Variants in TMIGD3 observed in about 807,000 individuals in gnomAD.
The protein encoded by TMIGD3 is transmembrane and immunoglobulin domain containing 3.
TMIGD3 carries 21 observed loss-of-function variants against 28.1 expected under a neutral mutation model. That is an observed-to-expected ratio of 0.75 (90% confidence interval 0.53 to 1.08). TMIGD3 has a LOEUF of 1.08. Ranked by LOEUF, TMIGD3 falls within the 50% of genes least tolerant of loss-of-function variation. The pLI is 0.00. For missense variants in TMIGD3, 416 were observed against 435.6 expected, an observed-to-expected ratio of 0.96 and a Z score of 0.40; for synonymous variants, 151 against 162.1, an observed-to-expected ratio of 0.93 and a Z score of 0.52.
At chr1:111,558,904 A>G (rs914724395) in intron 1 of TMIGD3, among the ~76,000 whole-genome samples, 1 of 152,202 alleles carries the variant, frequency 6.6e-6, no homozygotes, top group Admixed American at 6.5e-5. Flanking sequence ...CCAACTGATT[A>G]TATGTAAAAC....
chr1:111,526,012 C>T (rs1323756751), intron 1 of TMIGD3, among the ~76,000 whole-genome samples: 2 of 151,982 alleles, frequency 1.3e-5, no homozygotes, highest in Non-Finnish European at 2.9e-5. Flanking sequence ...TATCATCTGG[C>T]CATTTTTTTT....
At chr1:111,503,796 A>G (rs894404111), upstream of TMIGD3, 3 of 1,006,480 alleles carry the variant, frequency 3.0e-6, no homozygotes, top group African/African-American at 5.2e-5. Context: ...CAGAACTCTC[A>G]GCAAAAAGAT....
chr1:111,512,974 C>T (rs1022150349), intron 1 of TMIGD3, among the ~76,000 whole-genome samples: 1 of 152,214 alleles, frequency 6.6e-6, no homozygotes, highest in Admixed American at 6.5e-5. Flanking sequence ...TTTCTCCACC[C>T]TTGCCAAGAA....
intron 1 of TMIGD3, among the ~76,000 whole-genome samples, chr1:111,539,604 T>C (rs1268799256): frequency 6.6e-6 from 1 of 152,142 alleles, no homozygotes; most frequent in East Asian, 1.9e-4. Flanking sequence ...CCTATGCTAT[T>C]ATATTTTACC....
At chr1:111,520,102 T>C (rs1300833336) in intron 1 of TMIGD3, among the ~76,000 whole-genome samples, 1 of 152,178 alleles carries the variant, frequency 6.6e-6, no homozygotes, top group Non-Finnish European at 1.5e-5. Flanking sequence ...CCATATGGTC[T>C]TCAATGCACA....
In TMIGD3 at chr1:111,486,716, A is replaced by G. The variant is rs1654393824; in HGVS notation, c.806-64T>C. 8 of 1,335,536 alleles carry G rather than the reference A, an allele frequency of 6.0e-6. No individual in the cohort carries two copies. In the East Asian group the frequency reaches 1.6e-4, roughly 27 times the overall value. The allele number at this position is 1,335,536 out of a possible 1,614,324, so 82.7% of individuals were successfully genotyped here. On this transcript the variant is annotated intron_variant, in intron 3 of 5. Transcript: ENST00000369716. ...TAGCCAGGTCCTACCTCTGCCTCCC[A>G]GCTGCAGCTCTGCCTGTCATTCTAT... is the stretch of plus-strand genomic sequence containing the variant.
At chr1:111,536,999 C>T (rs1656661827) in intron 1 of TMIGD3, among the ~76,000 whole-genome samples, 2 of 152,194 alleles carry the variant, frequency 1.3e-5, no homozygotes, top group Non-Finnish European at 2.9e-5. Flanking sequence ...CTTCCTAGTA[C>T]TTAGCAATTC....
At chr1:111,522,297 A>G (rs988064652) in intron 1 of TMIGD3, among the ~76,000 whole-genome samples, 9 of 152,224 alleles carry the variant, frequency 5.9e-5, no homozygotes, top group Admixed American at 5.2e-4. Context: ...TTTCTTCAAA[A>G]AAGTCTTCTA....
intron 1 of TMIGD3, among the ~76,000 whole-genome samples, chr1:111,529,089 TTTTA>T (rs1232937839): frequency 1.3e-5 from 2 of 151,682 alleles, no homozygotes; most frequent in Non-Finnish European, 2.9e-5. Flanking sequence ...TTTGTAATTA[TTTTA>T]TTTATTTTTT....
intron 1 of TMIGD3, chr1:111,500,173 G>C (rs1655093407): frequency 1.9e-6 from 3 of 1,614,082 alleles, no homozygotes; most frequent in Non-Finnish European, 2.5e-6. Context: ...GATAGATAAA[G>C]GCAGCCATGA....
intron 1 of TMIGD3, among the ~76,000 whole-genome samples, chr1:111,558,143 C>T (rs962227992): frequency 7.2e-5 from 11 of 151,986 alleles, no homozygotes; most frequent in African/African-American, 2.7e-4. Flanking sequence ...AATAAACAGA[C>T]CAAACTCTTT....
upstream of TMIGD3, among the ~76,000 whole-genome samples, chr1:111,507,864 C>T (rs1430174345): frequency 2.0e-5 from 3 of 152,352 alleles, no homozygotes; most frequent in East Asian, 3.9e-4. Flanking sequence ...CTGAAGGTGG[C>T]GCTTCCTAGG....
chr1:111,504,767 G>T, upstream of TMIGD3: 12 of 703,484 alleles, frequency 1.7e-5, no homozygotes, highest in Non-Finnish European at 1.9e-5. Flanking sequence ...GCTCATCAGG[G>T]TCCTCTTGTT....
upstream of TMIGD3, among the ~76,000 whole-genome samples, chr1:111,508,010 A>G (rs1557828462): frequency 1.3e-5 from 2 of 152,242 alleles, no homozygotes; most frequent in Non-Finnish European, 1.5e-5. Context: ...ACTGAGGCCA[A>G]TCCAAGGAGC....
chr1:111,544,417 T>C (rs1656962239), intron 1 of TMIGD3, among the ~76,000 whole-genome samples: 1 of 152,230 alleles, frequency 6.6e-6, no homozygotes, highest in Admixed American at 6.5e-5. Flanking sequence ...TCTATGGATT[T>C]GACTATTTTG....
chr1:111,529,417 G>A (rs1294684123), intron 1 of TMIGD3, among the ~76,000 whole-genome samples: 1 of 150,740 alleles, frequency 6.6e-6, no homozygotes, highest in Non-Finnish European at 1.5e-5. Context: ...TTCTCGCAGA[G>A]GGGGATTTGG....
intron 1 of TMIGD3, among the ~76,000 whole-genome samples, chr1:111,510,871 G>T (rs895159653): frequency 6.6e-6 from 1 of 152,084 alleles, no homozygotes; most frequent in African/African-American, 2.4e-5. Flanking sequence ...GGTCCAAAAT[G>T]ACATTTTCGA....
intron 1 of TMIGD3, chr1:111,500,432 T>C: frequency 5.0e-6 from 8 of 1,614,226 alleles, no homozygotes; most frequent in Non-Finnish European, 6.8e-6. Context: ...GTGACATTTC[T>C]GTGGTACTCT....
chr1:111,550,602 T>C (rs527376373), intron 1 of TMIGD3, among the ~76,000 whole-genome samples: 1 of 152,362 alleles, frequency 6.6e-6, no homozygotes, highest in South Asian at 2.1e-4. Context: ...CACTGTTGTT[T>C]AAGAGTTTCT....
Sources: allele counts gnomAD v4.1 joint callset (sites outside exome capture counted in the v4.1 genomes callset), GRCh38; gene constraint gnomAD v4.1.1; transcripts MANE v1.5; gene names NCBI Gene and HGNC (gene_info 2026-07-23, HGNC 2026-07-21).